CNBD1: variants seen among roughly 807,000 people sequenced by gnomAD.
CNBD1 encodes cyclic nucleotide binding domain containing 1, also known as cyclic nucleotide-binding domain-containing protein 1.
CNBD1 carries 71 observed loss-of-function variants against 54.4 expected under a neutral mutation model. The ratio of observed to expected loss-of-function variants is 1.30; its 90% CI spans 1.08 to 1.59. The LOEUF (loss-of-function observed/expected upper bound fraction) is 1.59. Among genes scored for constraint, CNBD1 ranks in the 40% most tolerant of loss-of-function variants. CNBD1 has a pLI of 0.00. For synonymous variants in CNBD1, 182 were observed against 170.7 expected (o/e 1.07, Z -0.51); for missense variants, 659 against 518.0 (o/e 1.27, Z -2.64).
At chr8:87,303,765 A>G (rs532790005) in intron 8 of CNBD1, among the ~76,000 whole-genome samples, 1,631 of 134,416 alleles carry the variant, frequency 0.012, 39 homozygotes, top group African/African-American at 0.042. Flanking sequence ...TCCAGAATCT[A>G]CAATGAACTC....
intron 10 of CNBD1, among the ~76,000 whole-genome samples, chr8:87,380,266 G>T (rs912280676): frequency 6.6e-6 from 1 of 151,850 alleles, no homozygotes; most frequent in Non-Finnish European, 1.5e-5. Context: ...GTTAGAAATG[G>T]ACATGATAAT....
At chr8:87,331,527 G>C (rs1809832206) in intron 8 of CNBD1, among the ~76,000 whole-genome samples, 1 of 152,132 alleles carries the variant, frequency 6.6e-6, no homozygotes, top group Admixed American at 6.5e-5. Flanking sequence ...AAACATATGT[G>C]TGCATGTATC....
At position 87,421,724 on chromosome 8, in the gene CNBD1, A is replaced by G. The variant is rs368594480; in HGVS notation, c.214-6822A>G. 1.1e-3 allele frequency among the ~76,000 whole-genome samples: 163 copies of G among 147,542 alleles called. 1 individual carries two copies. The highest frequency in any genetic ancestry group is 3.9e-3 in the South Asian group (18 of 4,580). On this transcript the variant is annotated intron_variant, in intron 2 of 7. Coordinates refer to the CNBD1 transcript ENST00000521593. ...AGTCTTTGCTATTGTGAATAATGCCACAATAAACATACGTGTGCATGTGTC... is the reference window on the plus strand; with the variant it reads ...AGTCTTTGCTATTGTGAATAATGCCGCAATAAACATACGTGTGCATGTGTC...
chr8:87,404,337 A>C (rs370652635), intron 2 of CNBD1, among the ~76,000 whole-genome samples: 2 of 152,088 alleles, frequency 1.3e-5, no homozygotes, highest in Non-Finnish European at 2.9e-5. Context: ...CATCATTGCC[A>C]TGTTACCTCA....
chr8:87,424,438 C>G (rs961428368), intron 2 of CNBD1, among the ~76,000 whole-genome samples: 1 of 152,178 alleles, frequency 6.6e-6, no homozygotes, highest in Non-Finnish European at 1.5e-5. Flanking sequence ...CCTCTACACA[C>G]TGCTTTGAAT....
At chr8:87,385,486 G>A (rs774191749), downstream of CNBD1, among the ~76,000 whole-genome samples, 2 of 152,058 alleles carry the variant, frequency 1.3e-5, no homozygotes, top group African/African-American at 2.4e-5. Context: ...CACATGTCTC[G>A]GAGGGTCCTA....
chr8:86,942,688 G>A (rs1807360701), intron 4 of CNBD1, among the ~76,000 whole-genome samples: 2 of 152,158 alleles, frequency 1.3e-5, no homozygotes, highest in Admixed American at 1.3e-4. Flanking sequence ...CTAATCAGGG[G>A]CCTATATATC....
At chr8:87,100,012 C>T (rs930164171) in intron 4 of CNBD1, among the ~76,000 whole-genome samples, 1 of 152,032 alleles carries the variant, frequency 6.6e-6, no homozygotes, top group Non-Finnish European at 1.5e-5. Context: ...AGAAAAACAG[C>T]CTAAAAAGAA....
intron 4 of CNBD1, among the ~76,000 whole-genome samples, chr8:87,012,652 C>A (rs1809249500): frequency 6.6e-6 from 1 of 152,162 alleles, no homozygotes; most frequent in Non-Finnish European, 1.5e-5. Flanking sequence ...CTAAAGTCTG[C>A]TATCTAAGAG....
rs150636847 is a variant in CNBD1 at position 87,210,123 on chromosome 8, G to A, written c.577+3985G>A. On this transcript the variant is annotated intron_variant, in intron 5 of 10. Transcript: ENST00000518476. ...GGAGATAAATGGTGTTTGAATTTAT[G>A]AGTGACGACTTACAGTATCTGTAGA... Among the ~76,000 whole-genome samples the A allele has an allele frequency of 2.6e-4, 39 of 152,320 alleles. No homozygotes were observed. In the East Asian group the frequency reaches 7.5e-3, roughly 29 times the overall value.
At chr8:87,216,457 C>A (rs1310875549) in intron 5 of CNBD1, among the ~76,000 whole-genome samples, 1 of 152,070 alleles carries the variant, frequency 6.6e-6, no homozygotes, top group African/African-American at 2.4e-5. Context: ...TCAGAAAGCA[C>A]CTTTGCATAA....
chr8:87,167,734 AT>A (rs1399020766), intron 4 of CNBD1, among the ~76,000 whole-genome samples: 3 of 151,852 alleles, frequency 2.0e-5, no homozygotes, highest in Non-Finnish European at 2.9e-5. Flanking sequence ...AAGAGGTTTT[AT>A]TTTCCACTTG....
At chr8:87,364,423 G>T (rs774642490) in intron 10 of CNBD1, among the ~76,000 whole-genome samples, 13 of 151,784 alleles carry the variant, frequency 8.6e-5, no homozygotes, top group Middle Eastern at 3.4e-3. Flanking sequence ...TCTCTATCAA[G>T]TGTATTAAAC....
chr8:87,057,171 T>G (rs1027885464), intron 4 of CNBD1, among the ~76,000 whole-genome samples: 1 of 152,192 alleles, frequency 6.6e-6, no homozygotes, highest in Non-Finnish European at 1.5e-5. Flanking sequence ...TGTGAAGAAA[T>G]ACCTGAGACT....
At chr8:87,169,138 T>A (rs1032732025) in intron 4 of CNBD1, among the ~76,000 whole-genome samples, 1 of 152,084 alleles carries the variant, frequency 6.6e-6, no homozygotes, top group Non-Finnish European at 1.5e-5. Flanking sequence ...TGAGGTGATA[T>A]GTCATTGTAG....
chr8:86,879,989 G>A (rs1022741446), intron 1 of CNBD1, among the ~76,000 whole-genome samples: 2 of 152,168 alleles, frequency 1.3e-5, no homozygotes, highest in African/African-American at 4.8e-5. Flanking sequence ...TACATACAAA[G>A]GGATTTAAAG....
At chr8:87,243,379 G>C (rs1297302852) in intron 6 of CNBD1, among the ~76,000 whole-genome samples, 1 of 152,168 alleles carries the variant, frequency 6.6e-6, no homozygotes, top group East Asian at 1.9e-4. Flanking sequence ...GGATATCTTG[G>C]AAGAGTAAAG....
At chr8:87,409,768 A>G (rs1425809270) in intron 2 of CNBD1, among the ~76,000 whole-genome samples, 1 of 152,116 alleles carries the variant, frequency 6.6e-6, no homozygotes, top group Non-Finnish European at 1.5e-5. Context: ...CATGCCTGTA[A>G]TCCTAGCACT....
At chr8:87,036,484 C>T (rs1469781919) in intron 4 of CNBD1, among the ~76,000 whole-genome samples, 1 of 149,280 alleles carries the variant, frequency 6.7e-6, no homozygotes, top group Non-Finnish European at 1.5e-5. Context: ...GTCCCAGCTG[C>T]TTGGGAAGCT....
Sources: allele counts gnomAD v4.1 joint callset (sites outside exome capture counted in the v4.1 genomes callset), GRCh38; gene constraint gnomAD v4.1.1; transcripts MANE v1.5; gene names NCBI Gene and HGNC (gene_info 2026-07-23, HGNC 2026-07-21).